CTNNA3: variants seen among roughly 807,000 people sequenced by gnomAD.
CTNNA3 encodes the protein catenin alpha 3.
Under a neutral mutation model 95.7 loss-of-function variants are expected in CTNNA3, and 76 were observed. The ratio of observed to expected loss-of-function variants is 0.79; its 90% CI spans 0.66 to 0.96. CTNNA3 has a LOEUF of 0.96. Among genes scored for constraint, CTNNA3 ranks in the 40% least tolerant of loss-of-function variants. The pLI is 0.00. For synonymous variants in CTNNA3, 431 were observed against 374.4 expected (o/e 1.15, Z -1.74); for missense variants, 1,191 against 1,089.8 (o/e 1.09, Z -1.31).
chr10:67,257,937 A>T (rs1866429692), intron 5 of CTNNA3, among the ~76,000 whole-genome samples: 1 of 152,348 alleles, frequency 6.6e-6, no homozygotes, highest in South Asian at 2.1e-4. Context: ...CACAAAGTTT[A>T]ACAAAACTGA....
intron 7 of CTNNA3, among the ~76,000 whole-genome samples, chr10:67,042,944 C>A (rs1854498722): frequency 1.3e-5 from 2 of 151,900 alleles, no homozygotes; most frequent in Non-Finnish European, 2.9e-5. Flanking sequence ...AAAAGAGGAG[C>A]CAAATAAGTG....
At chr10:65,964,013 A>G (rs73306041) in intron 17 of CTNNA3, among the ~76,000 whole-genome samples, 7,159 of 152,204 alleles carry the variant, frequency 0.047, 232 homozygotes, top group Middle Eastern at 0.092. Context: ...GCAATGTTTC[A>G]TGAACCTAAT....
intron 3 of CTNNA3, among the ~76,000 whole-genome samples, chr10:67,604,042 T>G (rs1247346703): frequency 6.6e-6 from 1 of 152,232 alleles, no homozygotes; most frequent in Non-Finnish European, 1.5e-5. Flanking sequence ...CTATGTTATA[T>G]TAATAATTGC....
chr10:66,201,783 C>CT (rs1236010501), intron 13 of CTNNA3, among the ~76,000 whole-genome samples: 16,288 of 79,168 alleles, frequency 0.21, 1,948 homozygotes, highest in Admixed American at 0.31. Flanking sequence ...TTTACTTTTT[C>CT]TTTTTTTTTT....
intron 5 of CTNNA3, among the ~76,000 whole-genome samples, chr10:67,398,805 G>A (rs973045143): frequency 3.3e-5 from 5 of 152,130 alleles, no homozygotes; most frequent in African/African-American, 9.7e-5. Context: ...GAGATCTGAT[G>A]GTTTTATAAG....
chr10:67,472,750 T>C (rs1344557757), intron 5 of CTNNA3, among the ~76,000 whole-genome samples: 3 of 152,224 alleles, frequency 2.0e-5, no homozygotes, highest in Non-Finnish European at 4.4e-5. Context: ...TGTTCCTTTG[T>C]TCTTCCAATA....
At chr10:66,281,374 A>C (rs570007820) in intron 12 of CTNNA3, among the ~76,000 whole-genome samples, 2 of 152,004 alleles carry the variant, frequency 1.3e-5, no homozygotes, top group African/African-American at 4.8e-5. Context: ...CACTAGGCTC[A>C]AGGTACTTTT....
At chr10:67,746,338 A>G (rs549138486) in intron 1 of CTNNA3, among the ~76,000 whole-genome samples, 2 of 152,344 alleles carry the variant, frequency 1.3e-5, no homozygotes, top group East Asian at 3.9e-4. Context: ...AGTCTCTTCA[A>G]TAAATGATGC....
At chr10:67,249,958 T>C (rs1468785280) in intron 5 of CTNNA3, among the ~76,000 whole-genome samples, 3 of 152,212 alleles carry the variant, frequency 2.0e-5, no homozygotes, top group Admixed American at 6.5e-5. Flanking sequence ...GGTACCAACA[T>C]TGGATGAAAC....
chr10:67,590,627 T>C (rs889214176), intron 3 of CTNNA3, among the ~76,000 whole-genome samples: 2 of 152,160 alleles, frequency 1.3e-5, no homozygotes, highest in Non-Finnish European at 2.9e-5. Context: ...TTTGCATATC[T>C]ATCTCACTAA....
At chr10:66,044,649 C>T (rs535363807) in intron 15 of CTNNA3, among the ~76,000 whole-genome samples, 2 of 152,186 alleles carry the variant, frequency 1.3e-5, no homozygotes, top group East Asian at 1.9e-4. Flanking sequence ...ACTTTTTCAT[C>T]GTCCAGCTAT....
At chr10:67,454,557 G>C (rs1847103269) in intron 5 of CTNNA3, among the ~76,000 whole-genome samples, 1 of 152,112 alleles carries the variant, frequency 6.6e-6, no homozygotes, top group East Asian at 1.9e-4. Context: ...GTATAGTGGG[G>C]GAAAATGCTG....
intron 13 of CTNNA3, among the ~76,000 whole-genome samples, chr10:66,238,604 AC>A (rs1291276308): frequency 6.6e-6 from 1 of 151,912 alleles, no homozygotes; most frequent in African/African-American, 2.4e-5. Flanking sequence ...TGGGTGGCAG[AC>A]TTAAATGGGA....
At chr10:67,200,241 T>C (rs1162214080) in intron 6 of CTNNA3, among the ~76,000 whole-genome samples, 1 of 152,180 alleles carries the variant, frequency 6.6e-6, no homozygotes, top group Non-Finnish European at 1.5e-5. Context: ...CCTTGCCTGC[T>C]ATTCCATATT....
intron 11 of CTNNA3, among the ~76,000 whole-genome samples, chr10:66,403,934 G>C (rs1018525769): frequency 6.6e-6 from 1 of 152,134 alleles, no homozygotes; most frequent in African/African-American, 2.4e-5. Context: ...TTTGGAGACT[G>C]AAACTGTCTT....
At chr10:66,940,327 C>T (rs1847932910) in intron 7 of CTNNA3, among the ~76,000 whole-genome samples, 1 of 151,862 alleles carries the variant, frequency 6.6e-6, no homozygotes, top group Non-Finnish European at 1.5e-5. Flanking sequence ...GGCCTCATCT[C>T]TACAAAAAAT....
intron 13 of CTNNA3, among the ~76,000 whole-genome samples, chr10:66,188,943 C>T (rs1474843613): frequency 1.3e-5 from 2 of 151,988 alleles, no homozygotes; most frequent in East Asian, 1.9e-4. Flanking sequence ...GGTAATATCT[C>T]GTTGTGGTGT....
chr10:66,786,378 C>T (rs946055396), intron 7 of CTNNA3, among the ~76,000 whole-genome samples: 1 of 152,132 alleles, frequency 6.6e-6, no homozygotes, highest in African/African-American at 2.4e-5. Flanking sequence ...TCTCCTTCCT[C>T]CTCTTGCTTC....
intron 1 of CTNNA3, among the ~76,000 whole-genome samples, chr10:67,689,453 C>T (rs1243194034): frequency 6.6e-6 from 1 of 152,040 alleles, no homozygotes; most frequent in South Asian, 2.1e-4. Context: ...ATAGGAGAAA[C>T]TAGAAAAGCA....
Sources: allele counts gnomAD v4.1 joint callset (sites outside exome capture counted in the v4.1 genomes callset), GRCh38; gene constraint gnomAD v4.1.1; transcripts MANE v1.5; gene names NCBI Gene and HGNC (gene_info 2026-07-23, HGNC 2026-07-21).